The following ST7 variants were observed in gnomAD, a reference collection of about 807,000 sequenced individuals.
ST7 encodes the protein suppressor of tumorigenicity 7 protein.
ST7 carries 28 observed loss-of-function variants against 78.7 expected under a neutral mutation model. The ratio of observed to expected loss-of-function variants is 0.36; its 90% confidence interval spans 0.26 to 0.49. ST7 has a LOEUF of 0.49. Among genes scored for constraint, ST7 ranks in the 20% least tolerant of loss-of-function variants. The pLI is 0.99. For missense variants in ST7, 418 were observed against 696.0 expected (o/e 0.60, Z 4.49); for synonymous variants, 247 against 249.6 (o/e 0.99, Z 0.10).
intron 10 of ST7, among the ~76,000 whole-genome samples, chr7:117,178,539 A>G (rs952045523): frequency 1.3e-5 from 2 of 152,190 alleles, no homozygotes; most frequent in Non-Finnish European, 2.9e-5. Context: ...ACTACGACAC[A>G]GTGTTCTCAT....
intron 10 of ST7, among the ~76,000 whole-genome samples, chr7:117,177,032 C>T (rs1052330736): frequency 2.6e-5 from 4 of 152,186 alleles, no homozygotes; most frequent in South Asian, 2.1e-4. Context: ...CACATCAGTG[C>T]TTCAAAGAAG....
chr7:117,073,674 C>T (rs973355576), intron 1 of ST7: 1 of 152,152 alleles, frequency 6.6e-6, no homozygotes, highest in African/African-American at 2.4e-5. Flanking sequence ...GTTACCCCAT[C>T]TGTAAAAGGG....
intron 9 of ST7, among the ~76,000 whole-genome samples, chr7:117,144,839 A>G (rs1000770160): frequency 6.6e-5 from 10 of 152,210 alleles, no homozygotes; most frequent in African/African-American, 2.4e-4. Context: ...TCTTATGATG[A>G]TAAAAGTAAA....
chr7:117,166,464 T>C (rs952787491), intron 9 of ST7, among the ~76,000 whole-genome samples: 3 of 150,146 alleles, frequency 2.0e-5, no homozygotes, highest in African/African-American at 7.4e-5. Context: ...TTTTTTTTTT[T>C]ACTATTACAA....
At position 117,123,302 on chromosome 7, in the gene ST7, C is replaced by T. The variant is rs181563601; in HGVS notation, c.394+3582C>T. Among the ~76,000 whole-genome samples the T allele has an allele frequency of 9.9e-5, 15 of 152,178 alleles. No homozygotes were observed. The East Asian group carries it at 2.9e-3, about 29-fold the overall frequency. On this transcript the variant is annotated intron_variant, in intron 3 of 15. Transcript: ENST00000323984. ...TTTGAATAAAAGCTGAAAAACATGGCCTACCTAAGAACGACTTGGGATGGG... is the reference window on the plus strand; with the variant it reads ...TTTGAATAAAAGCTGAAAAACATGGTCTACCTAAGAACGACTTGGGATGGG...
chr7:117,091,045 C>A (rs549667369), intron 1 of ST7, among the ~76,000 whole-genome samples: 1 of 152,200 alleles, frequency 6.6e-6, no homozygotes, highest in East Asian at 1.9e-4. Flanking sequence ...ATGCCCAGTA[C>A]AGCAGAAACA....
intron 1 of ST7, chr7:116,968,491 G>T: frequency 2.3e-6 from 1 of 434,686 alleles, no homozygotes; most frequent in South Asian, 1.6e-5. Flanking sequence ...ACGGGTGTGC[G>T]CCACCATGCC....
In ST7 at chr7:117,205,740, G is replaced by A. The variant is rs568271212; in HGVS notation, c.1255-4047G>A. Among the ~76,000 whole-genome samples the A allele has an allele frequency of 1.1e-4, 16 of 152,272 alleles. No homozygotes were observed. In the South Asian group the frequency reaches 3.1e-3, roughly 30 times the overall value. On this transcript the variant is annotated intron_variant, in intron 12 of 15. Coordinates refer to ENST00000323984, the MANE Select transcript of ST7 (RefSeq NM_001369598.1). The stretch of plus-strand genomic sequence containing the variant: ...ATATGCCCTGACTTTGGATGCTCCT[G>A]CAGTGGAGGCTGACACAAATAGATT...
At chr7:117,132,698 C>T (rs996216121) in intron 6 of ST7, among the ~76,000 whole-genome samples, 2 of 151,524 alleles carry the variant, frequency 1.3e-5, no homozygotes, top group African/African-American at 2.4e-5. Flanking sequence ...AAAAGATTGT[C>T]GTGAGAGTTG....
At chr7:117,096,970 T>G (rs1801091329) in intron 1 of ST7, among the ~76,000 whole-genome samples, 1 of 152,150 alleles carries the variant, frequency 6.6e-6, no homozygotes, top group Admixed American at 6.5e-5. Flanking sequence ...TACATTTTAA[T>G]TATTAATTAT....
rs1804282995 is a variant in ST7 at position 117,130,797 on chromosome 7, A to T, written c.565+191A>T. On this transcript the variant is annotated intron_variant, in intron 5 of 15. Coordinates refer to ENST00000323984, the MANE Select transcript of ST7 (RefSeq NM_001369598.1). ...ACAATGAAGTATTTATGTTGAAATG[A>T]GTCCCCTCATAATAATTTGAATCAT... The T allele has an allele frequency of 6.6e-6, 3 of 457,638 alleles. No individual in the cohort carries two copies. The South Asian group carries it at 1.4e-4, about 21-fold the overall frequency. 28.3% of individuals were successfully genotyped at this position (457,638 alleles called of 1,614,324 possible).
At position 117,146,752 on chromosome 7, in the gene ST7, A is replaced by G. The variant is rs540809358; in HGVS notation, c.963+8220A>G. On this transcript the variant is annotated intron_variant, in intron 9 of 15. Coordinates refer to ENST00000323984, the MANE Select transcript of ST7 (RefSeq NM_001369598.1). ...ATTCTAAATATTTGCCTTGAAAGGGAAGGAGTTTGTGTCAGCTAAGATGTG... is the reference window on the plus strand; with the variant it reads ...ATTCTAAATATTTGCCTTGAAAGGGGAGGAGTTTGTGTCAGCTAAGATGTG... Among the ~76,000 whole-genome samples the G allele has an allele frequency of 8.5e-5, 13 of 152,302 alleles. No individual in the cohort carries two copies. In the South Asian group the frequency reaches 2.3e-3, roughly 27 times the overall value.
intron 2 of ST7, among the ~76,000 whole-genome samples, chr7:117,115,617 G>A (rs1424846592): frequency 6.6e-6 from 1 of 152,146 alleles, no homozygotes; most frequent in Non-Finnish European, 1.5e-5. Context: ...GCCTCCCAAA[G>A]TGTTGCGATT....
chr7:117,118,331 T>A (rs191012070), intron 2 of ST7: 1 of 152,190 alleles, frequency 6.6e-6, no homozygotes, highest in Non-Finnish European at 1.5e-5. Flanking sequence ...ACTCAACCTA[T>A]AGTCAAAAAG....
intron 1 of ST7, among the ~76,000 whole-genome samples, chr7:116,965,339 C>CAAA (rs975151437): frequency 1.8e-4 from 9 of 50,246 alleles, no homozygotes; most frequent in Admixed American, 2.1e-4. Context: ...GACTCCGTCT[C>CAAA]AAAAAAAAAA....
chr7:117,220,271 C>T (rs77166507), intron 14 of ST7, among the ~76,000 whole-genome samples: 3,069 of 152,264 alleles, frequency 0.02, 37 homozygotes, highest in Non-Finnish European at 0.03. Context: ...TTCCTGCCAG[C>T]CAGACCCAGT....
chr7:117,127,576 C>T (rs1406787623), intron 3 of ST7, among the ~76,000 whole-genome samples: 1 of 151,914 alleles, frequency 6.6e-6, no homozygotes, highest in African/African-American at 2.4e-5. Context: ...TTCTTCATTA[C>T]ATGTTTTATT....
intron 1 of ST7, among the ~76,000 whole-genome samples, chr7:116,996,159 G>A (rs1339462886): frequency 1.4e-5 from 2 of 146,596 alleles, no homozygotes; most frequent in Admixed American, 7.0e-5. Context: ...TCAGCTCACT[G>A]CAACCTCCAC....
At chr7:117,194,743 G>A (rs1038315767) in intron 12 of ST7, among the ~76,000 whole-genome samples, 7 of 152,144 alleles carry the variant, frequency 4.6e-5, no homozygotes, top group African/African-American at 9.7e-5. Context: ...ATTGGATTTG[G>A]GGCCTTCTTT....
Sources: gnomAD v4.1 joint callset for allele counts (sites outside exome capture counted in the v4.1 genomes callset) on GRCh38, gnomAD v4.1.1 for gene constraint, MANE v1.5 for transcripts, NCBI Gene and HGNC (gene_info 2026-07-23, HGNC 2026-07-21) for gene names.